The following THRB variants were observed in gnomAD, a reference collection of about 807,000 sequenced individuals.
THRB encodes thyroid hormone receptor beta, also known as nuclear receptor subfamily 1 group A member 2.
A neutral mutation model predicts 47.8 loss-of-function variants in THRB; 12 were observed. The observed-to-expected ratio is 0.25, with a 90% CI of 0.16 to 0.41. THRB has a LOEUF of 0.41. Among genes scored for constraint, THRB ranks in the 10% least tolerant of loss-of-function variants. The pLI, the probability that THRB is intolerant of heterozygous loss-of-function variation, is 1.00. For synonymous variants in THRB, 218 were observed against 212.2 expected, an observed-to-expected ratio of 1.03 and a Z score of -0.24; for missense variants, 348 against 589.2, an observed-to-expected ratio of 0.59 and a Z score of 4.24.
chr3:24,210,680 C>T (rs993417671), intron 4 of THRB, among the ~76,000 whole-genome samples: 2 of 152,202 alleles, frequency 1.3e-5, no homozygotes, highest in Non-Finnish European at 2.9e-5. Context: ...CTACCTGGCA[C>T]TGGAGTTCCT....
intron 4 of THRB, among the ~76,000 whole-genome samples, chr3:24,201,986 G>T (rs144499611): frequency 6.6e-6 from 1 of 151,910 alleles, no homozygotes. Context: ...CTCATTTTTT[G>T]TATGAGGAAC....
intron 5 of THRB, among the ~76,000 whole-genome samples, chr3:24,189,405 T>C (rs908838824): frequency 3.9e-5 from 6 of 152,208 alleles, no homozygotes; most frequent in South Asian, 2.1e-4. Context: ...AGCAAAGATT[T>C]TGGGGAGCCC....
intron 5 of THRB, among the ~76,000 whole-genome samples, chr3:24,166,440 G>C (rs2039653122): frequency 6.6e-6 from 1 of 152,140 alleles, no homozygotes; most frequent in Admixed American, 6.5e-5. Context: ...GATTTAAGTG[G>C]TATTCATGTA....
At chr3:24,433,535 T>C (rs952431657) in intron 1 of THRB, among the ~76,000 whole-genome samples, 5 of 152,142 alleles carry the variant, frequency 3.3e-5, no homozygotes, top group Non-Finnish European at 7.4e-5. Context: ...CTGCAGACCC[T>C]TTGACTTCAG....
chr3:24,426,932 A>G (rs1383601394), intron 1 of THRB, among the ~76,000 whole-genome samples: 3 of 152,016 alleles, frequency 2.0e-5, no homozygotes, highest in Non-Finnish European at 4.4e-5. Flanking sequence ...GTCTAGAACA[A>G]CAGGCTTCAA....
intron 3 of THRB, among the ~76,000 whole-genome samples, chr3:24,255,142 C>T (rs1335648297): frequency 1.3e-5 from 2 of 152,114 alleles, no homozygotes; most frequent in East Asian, 3.9e-4. Flanking sequence ...ACTGGAAAGT[C>T]TGTAAACATT....
chr3:24,246,245 A>G (rs2050101274), intron 3 of THRB, among the ~76,000 whole-genome samples: 1 of 152,344 alleles, frequency 6.6e-6, no homozygotes, highest in African/African-American at 2.4e-5. Context: ...ATTGGGTACC[A>G]GAGACCTAAT....
chr3:24,475,804 G>A (rs1695368211), intron 1 of THRB, among the ~76,000 whole-genome samples: 1 of 152,096 alleles, frequency 6.6e-6, no homozygotes, highest in Non-Finnish European at 1.5e-5. Context: ...ATAAAGTAAA[G>A]ATTCTATATA....
At chr3:24,493,936 G>T (rs138057919) in intron 1 of THRB, among the ~76,000 whole-genome samples, 1 of 152,202 alleles carries the variant, frequency 6.6e-6, no homozygotes, top group African/African-American at 2.4e-5. Flanking sequence ...TCTCCGAGGG[G>T]GTGGAGGTCA....
At chr3:24,148,419 G>A (rs1201086167) in intron 6 of THRB, among the ~76,000 whole-genome samples, 5 of 150,950 alleles carry the variant, frequency 3.3e-5, no homozygotes, top group African/African-American at 1.2e-4. Context: ...GAGCCACCAC[G>A]CCTGGCTAAT....
intron 5 of THRB, among the ~76,000 whole-genome samples, chr3:24,171,611 T>C (rs144146805): frequency 4.7e-4 from 71 of 152,296 alleles, no homozygotes; most frequent in African/African-American, 1.7e-3. Context: ...ACTGTATCAT[T>C]TCTCCTATTG....
chr3:24,233,880 T>A (rs1418627392), intron 3 of THRB, among the ~76,000 whole-genome samples: 1 of 152,212 alleles, frequency 6.6e-6, no homozygotes, highest in Non-Finnish European at 1.5e-5. Context: ...GGCCTTTCCC[T>A]GCCCTGCCTG....
chr3:24,483,905 C>T (rs1454541534), intron 1 of THRB: 1 of 152,248 alleles, frequency 6.6e-6, no homozygotes, highest in Non-Finnish European at 1.5e-5. Context: ...AGGTAGGGGA[C>T]ATGCGATTTG....
chr3:24,489,996 A>G (rs1697895582), intron 1 of THRB, among the ~76,000 whole-genome samples: 1 of 152,186 alleles, frequency 6.6e-6, no homozygotes, highest in South Asian at 2.1e-4. Flanking sequence ...TACATGGGCT[A>G]TAGAAATCAC....
intron 1 of THRB, among the ~76,000 whole-genome samples, chr3:24,381,566 T>A (rs1440362990): frequency 6.6e-6 from 1 of 152,154 alleles, no homozygotes; most frequent in Non-Finnish European, 1.5e-5. Context: ...CAAAAGCAAA[T>A]GTTTCAAAAC....
Position 24,263,532 on chromosome 3 carries a change from C to T in THRB, c.-43+33694G>A, listed in dbSNP as rs149978627. ...TCCTAGTATTTAAATTTTGGCTTTT[C>T]ACCCTCAATTATTTTTGGAGATTAT... On this transcript the variant is annotated intron_variant, in intron 3 of 10. Coordinates refer to ENST00000646209, the MANE Select transcript of THRB (RefSeq NM_001354712.2). 4.6e-3 allele frequency among the ~76,000 whole-genome samples: 694 copies of T among 151,764 alleles called. 9 individuals carry two copies. Among genetic ancestry groups the T allele is most frequent in the African/African-American group, 0.015 (617 of 41,352 alleles).
intron 6 of THRB, among the ~76,000 whole-genome samples, chr3:24,151,544 G>A (rs966009161): frequency 2.0e-5 from 3 of 152,164 alleles, no homozygotes; most frequent in Admixed American, 6.5e-5. Context: ...AATTTTAAAA[G>A]TCCTTCCCTG....
intron 1 of THRB, among the ~76,000 whole-genome samples, chr3:24,370,352 C>T (rs116600533): frequency 0.01 from 1,541 of 152,172 alleles, 25 homozygotes; most frequent in South Asian, 0.037. Context: ...TTCTGGCATA[C>T]TCCCTTACTT....
intron 1 of THRB, among the ~76,000 whole-genome samples, chr3:24,435,788 C>T (rs1314050960): frequency 2.0e-5 from 3 of 152,194 alleles, no homozygotes; most frequent in African/African-American, 7.2e-5. Context: ...CCAAAGCACG[C>T]AGCAATATGC....
Sources: allele counts gnomAD v4.1 joint callset (sites outside exome capture counted in the v4.1 genomes callset), GRCh38; gene constraint gnomAD v4.1.1; transcripts MANE v1.5; gene names NCBI Gene and HGNC (gene_info 2026-07-23, HGNC 2026-07-21).